CCDC77: variants seen among roughly 807,000 people sequenced by gnomAD.
CCDC77 encodes the protein coiled-coil domain-containing protein 77.
A neutral mutation model predicts 66.8 loss-of-function variants in CCDC77; 56 were observed. The ratio of observed to expected loss-of-function variants is 0.84; its 90% CI spans 0.68 to 1.05. The LOEUF is 1.05. Among genes scored for constraint, CCDC77 ranks in the 50% least tolerant of loss-of-function variants. The probability of loss-of-function intolerance (pLI) is 0.00; values close to 1 mark genes in which losing one functional copy is unlikely to be tolerated. For missense variants in CCDC77, 570 were observed against 576.8 expected, an observed-to-expected ratio of 0.99 and a Z score of 0.12; for synonymous variants, 196 against 195.2, an observed-to-expected ratio of 1.00 and a Z score of -0.03.
upstream of CCDC77, among the ~76,000 whole-genome samples, chr12:396,907 C>A (rs1218292339): frequency 6.6e-6 from 1 of 152,048 alleles, no homozygotes; most frequent in Non-Finnish European, 1.5e-5. Context: ...TGTGACAGAC[C>A]CGGAATTGAA....
intron 10 of CCDC77, among the ~76,000 whole-genome samples, chr12:439,084 AAC>A (rs1945811026): frequency 1.3e-5 from 2 of 152,156 alleles, no homozygotes; most frequent in East Asian, 1.9e-4. Flanking sequence ...TCTCAAAACA[AAC>A]ACAAAAAAAC....
chr12:411,654 CT>C (rs1180080887), intron 3 of CCDC77, 92 bp from the exon 4 acceptor site: 1 of 1,044,400 alleles, frequency 9.6e-7, no homozygotes. Context: ...ATTATAAGCA[CT>C]TTGGGAACAC....
intron 5 of CCDC77, among the ~76,000 whole-genome samples, chr12:427,725 C>T (rs1188398765): frequency 1.3e-5 from 2 of 152,086 alleles, no homozygotes; most frequent in Non-Finnish European, 2.9e-5. Context: ...ATCCGCCTGC[C>T]TCAGCCCAAA....
chr12:394,707 T>A (rs531780028), intron 1 of CCDC77, among the ~76,000 whole-genome samples: 1 of 152,208 alleles, frequency 6.6e-6, no homozygotes, highest in African/African-American at 2.4e-5. Flanking sequence ...GAGAGAGTGA[T>A]GAATTGGAGA....
intron 4 of CCDC77, among the ~76,000 whole-genome samples, chr12:416,420 T>TATATATATATA: frequency 6.2e-5 from 1 of 16,012 alleles, no homozygotes; most frequent in Non-Finnish European, 2.3e-4. Context: ...TATATATTTC[T>TATATATATATA]TTTTTTTTTT....
At chr12:429,549 C>A (rs554788620) in intron 6 of CCDC77, among the ~76,000 whole-genome samples, 1 of 151,292 alleles carries the variant, frequency 6.6e-6, no homozygotes, top group Non-Finnish European at 1.5e-5. Flanking sequence ...AACCTCCGCT[C>A]TGGGGCTCAA....
intron 4 of CCDC77, among the ~76,000 whole-genome samples, chr12:413,467 C>G (rs1187986713): frequency 1.3e-5 from 2 of 151,930 alleles, no homozygotes; most frequent in Non-Finnish European, 2.9e-5. Flanking sequence ...TCTCGATCGC[C>G]TGACCTCGTG....
rs765908504 is a variant in CCDC77 at position 440,891 on chromosome 12, CTA to C, written c.1217_1218del (p.Tyr406Ter). The part of the protein sequence containing the change: ...GKRLQIMTKR[Y>X]EALERRRILE... Reference sequence around the variant, plus strand: ...AGCGTTTACAGATAATGACAAAACGCTATGAGGCATTGGAGCGTCGACGTATC... The same window carrying C: ...AGCGTTTACAGATAATGACAAAACGCTGAGGCATTGGAGCGTCGACGTATC... On this transcript the variant is annotated frameshift_variant, in exon 12 of 13. Coordinates refer to ENST00000239830, the MANE Select transcript of CCDC77 (RefSeq NM_032358.4). LOFTEE classifies it high-confidence loss of function. 12 of 1,613,730 alleles carry C rather than the reference CTA, an allele frequency of 7.4e-6. No homozygotes were observed. The highest frequency in any genetic ancestry group is 9.3e-6 in the Non-Finnish European group (11 of 1,180,022).
intron 4 of CCDC77, among the ~76,000 whole-genome samples, chr12:412,345 A>G (rs1945128961): frequency 6.6e-6 from 1 of 152,216 alleles, no homozygotes; most frequent in South Asian, 2.1e-4. Flanking sequence ...TTACTTGAGT[A>G]GTAACTGCAG....
chr12:410,066 TGTTTAA>T (rs1375232073), intron 3 of CCDC77, among the ~76,000 whole-genome samples: 1 of 151,152 alleles, frequency 6.6e-6, no homozygotes, highest in Non-Finnish European at 1.5e-5. Context: ...ACTGGGAAAA[TGTTTAA>T]GTTTTTCTTC....
rs189761826 is a variant in CCDC77, at chr12:394,122, T to C, written c.-113+4636T>C. Among the ~76,000 whole-genome samples, 35 of 152,314 alleles carry C rather than the reference T, an allele frequency of 2.3e-4. No homozygotes were observed. In the East Asian group the frequency reaches 6.4e-3, roughly 28 times the overall value. ...CCATTAGTTGTTTTCATTGAAGAGA[T>C]TGACTCACTTTGTTCATTTTCAAGA... is the stretch of plus-strand genomic sequence containing the variant. On this transcript the variant is annotated intron_variant, in intron 1 of 11. Coordinates refer to the CCDC77 transcript ENST00000422000.
In CCDC77 at chr12:432,061, C is replaced by T. The variant is rs957041364; in HGVS notation, c.672+107C>T. ...TAAGTATCTCCTTGCACACAGGTTA[C>T]ATCTAAGCATCATGTGGTTAAGAAA... is the stretch of plus-strand genomic sequence containing the variant. On this transcript the variant is annotated intron_variant, in intron 8 of 12. Transcript: ENST00000239830. 2.2e-4 allele frequency: 141 copies of T among 641,086 alleles called. 1 individual carries two copies. The highest frequency in any genetic ancestry group is 2.7e-5 in the East Asian group (1 of 37,150). The allele number at this position is 641,086 out of a possible 1,614,324, so 39.7% of individuals were successfully genotyped here.
intron 5 of CCDC77, among the ~76,000 whole-genome samples, chr12:425,732 G>A (rs528021580): frequency 2.0e-5 from 3 of 152,156 alleles, no homozygotes; most frequent in East Asian, 1.9e-4. Context: ...CAACCCTCCC[G>A]AGCACACGTA....
In CCDC77 at chr12:402,049, T is replaced by C. The variant is rs1415055128; in HGVS notation, c.-71+365T>C. On this transcript the variant is annotated intron_variant, in intron 1 of 12. Transcript: ENST00000239830. Reference sequence around the variant, plus strand: ...GGATAGTGAAAATACTGAACGGTTGTTGGGATAATAAATTGTACAGATTTG... The same window carrying C: ...GGATAGTGAAAATACTGAACGGTTGCTGGGATAATAAATTGTACAGATTTG... Among the ~76,000 whole-genome samples, 3 of 152,322 alleles carry C rather than the reference T, an allele frequency of 2.0e-5. No homozygotes were observed. In the East Asian group the frequency reaches 5.8e-4, roughly 29 times the overall value.
Position 423,477 on chromosome 12 carries a change from G to GT in CCDC77, c.413+4842dup, listed in dbSNP as rs1565572179. The stretch of plus-strand genomic sequence containing the variant: ...TTTCTGGGTGTTTTTTGTGTTTTTT[G>GT]TGTTTTTTTTTGTTTTGTTTTTTTT... On this transcript the variant is annotated intron_variant, in intron 5 of 12. Transcript: ENST00000239830. 9.9e-3 allele frequency among the ~76,000 whole-genome samples: 247 copies of GT among 24,974 alleles called. 14 individuals are homozygous for GT. The highest frequency in any genetic ancestry group is 0.048 in the Middle Eastern group (2 of 42). The allele number at this position is 24,974 out of a possible 152,430, so 16.4% of individuals were successfully genotyped here. A position where few individuals can be genotyped will look rare whatever the true frequency, so the allele number is the denominator to read the frequency against.
intron 2 of CCDC77, among the ~76,000 whole-genome samples, chr12:407,061 C>G (rs1945008287): frequency 1.3e-5 from 2 of 152,198 alleles, no homozygotes; most frequent in African/African-American, 2.4e-5. Flanking sequence ...AATCCTATTA[C>G]TTGTGTGGCT....
chr12:416,336 TGTGTGG>T (rs1360771578), intron 4 of CCDC77, among the ~76,000 whole-genome samples: 11 of 42,524 alleles, frequency 2.6e-4, no homozygotes, highest in Non-Finnish European at 3.6e-4. Flanking sequence ...AGTCTGTGGG[TGTGTGG>T]GGGTGTGTGT....
intron 4 of CCDC77, among the ~76,000 whole-genome samples, chr12:413,335 C>T (rs890905461): frequency 2.6e-5 from 4 of 151,252 alleles, no homozygotes; most frequent in African/African-American, 4.9e-5. Context: ...CTCCCGGGTT[C>T]ACGCCATTCT....
chr12:425,065 G>A (rs561045339), intron 5 of CCDC77, among the ~76,000 whole-genome samples: 1 of 151,590 alleles, frequency 6.6e-6, no homozygotes, highest in Admixed American at 6.6e-5. Context: ...CAAGTAGCTG[G>A]GACTACAGGC....
Sources: allele counts gnomAD v4.1 joint callset (sites outside exome capture counted in the v4.1 genomes callset), GRCh38; gene constraint gnomAD v4.1.1; transcripts MANE v1.5; gene names NCBI Gene and HGNC (gene_info 2026-07-23, HGNC 2026-07-21).